The following C1GALT1 variants were observed in gnomAD, a reference collection of about 807,000 sequenced individuals.
C1GALT1 encodes the protein core 1 synthase, glycoprotein-N-acetylgalactosamine 3-beta-galactosyltransferase 1.
A neutral mutation model predicts 31.0 loss-of-function variants in C1GALT1; 11 were observed. That is an observed-to-expected ratio of 0.36 (90% confidence interval 0.22 to 0.59). C1GALT1 has a LOEUF of 0.59. Among genes scored for constraint, C1GALT1 ranks in the 20% least tolerant of loss-of-function variants. The pLI, the probability that C1GALT1 is intolerant of heterozygous loss-of-function variation, is 0.79. For missense variants in C1GALT1, 424 were observed against 425.2 expected (o/e 1.00, Z 0.03); for synonymous variants, 175 against 143.6 (o/e 1.22, Z -1.56).
intron 1 of C1GALT1, among the ~76,000 whole-genome samples, chr7:7,206,569 G>A (rs1015235767): frequency 6.6e-6 from 1 of 151,790 alleles, no homozygotes; most frequent in South Asian, 2.1e-4. Flanking sequence ...CCAGCTACTC[G>A]GGAGGCTGAG....
At chr7:7,242,958 C>A (rs1468525843) in intron 3 of C1GALT1, among the ~76,000 whole-genome samples, 1 of 152,100 alleles carries the variant, frequency 6.6e-6, no homozygotes. Flanking sequence ...ATAACTTACT[C>A]AAGGTCGTAT....
At chr7:7,199,612 G>C (rs1025095278) in intron 1 of C1GALT1, among the ~76,000 whole-genome samples, 2 of 152,178 alleles carry the variant, frequency 1.3e-5, no homozygotes, top group African/African-American at 4.8e-5. Flanking sequence ...TTTCTGTCTC[G>C]TTGATCTGTC....
At chr7:7,190,635 C>T (rs529919078) in intron 1 of C1GALT1, among the ~76,000 whole-genome samples, 33 of 151,974 alleles carry the variant, frequency 2.2e-4, no homozygotes, top group African/African-American at 8.0e-4. Flanking sequence ...TTGTCTCTTC[C>T]CCTTCCCCAG....
At chr7:7,211,073 G>T (rs1412089045) in intron 1 of C1GALT1, among the ~76,000 whole-genome samples, 1 of 152,084 alleles carries the variant, frequency 6.6e-6, no homozygotes, top group Non-Finnish European at 1.5e-5. Flanking sequence ...CAGCAACTAG[G>T]GCTCCTCCTG....
intron 1 of C1GALT1, among the ~76,000 whole-genome samples, chr7:7,185,753 T>A (rs888949817): frequency 1.3e-5 from 2 of 152,236 alleles, no homozygotes; most frequent in African/African-American, 4.8e-5. Context: ...TAAGGTCACG[T>A]GCAGAGGTAC....
chr7:7,204,562 A>T (rs186692805), intron 1 of C1GALT1, among the ~76,000 whole-genome samples: 32 of 151,132 alleles, frequency 2.1e-4, no homozygotes, highest in Admixed American at 2.0e-3. Context: ...CATTTTGTTT[A>T]TCTCTGTTCT....
chr7:7,221,587 A>C (rs779451416), intron 1 of C1GALT1, among the ~76,000 whole-genome samples: 8 of 152,250 alleles, frequency 5.3e-5, no homozygotes, highest in Non-Finnish European at 1.2e-4. Context: ...ATGTCTGTAC[A>C]AGTTGTTGGG....
chr7:7,215,235 C>A (rs10282358), intron 1 of C1GALT1, among the ~76,000 whole-genome samples: 2 of 152,174 alleles, frequency 1.3e-5, no homozygotes, highest in East Asian at 3.9e-4. Context: ...GCATCCTAAC[C>A]TAAGGTACCC....
At chr7:7,182,138 A>G (rs1038731182), upstream of C1GALT1, among the ~76,000 whole-genome samples, 4 of 152,164 alleles carry the variant, frequency 2.6e-5, no homozygotes, top group South Asian at 8.3e-4. Flanking sequence ...TACTGAGTAA[A>G]GAGAGCACGG....
At chr7:7,227,698 C>T (rs1469399016) in intron 1 of C1GALT1, among the ~76,000 whole-genome samples, 8 of 135,692 alleles carry the variant, frequency 5.9e-5, no homozygotes, top group African/African-American at 8.8e-5. Context: ...CCAGCCTGGG[C>T]AACAGAGCGA....
chr7:7,209,988 G>A (rs921658290), intron 1 of C1GALT1, among the ~76,000 whole-genome samples: 1 of 152,136 alleles, frequency 6.6e-6, no homozygotes. Context: ...TTTGAGCCAG[G>A]ATGAGCCAGG....
intron 1 of C1GALT1, among the ~76,000 whole-genome samples, chr7:7,189,898 GATTA>G (rs140502691): frequency 0.033 from 4,997 of 151,968 alleles, 181 homozygotes; most frequent in African/African-American, 0.091. Context: ...TTCCCCAAAA[GATTA>G]ATTAATTCAA....
At position 7,166,487 on chromosome 7, in the gene C1GALT1, G is replaced by A. The variant is rs182487646; in HGVS notation, c.-18+9061G>A. ...ATTGACAGAAAGCAGATCAGTGGTT[G>A]CTTGGAGATGGGGCAGGGTGGGAAG... is the stretch of plus-strand genomic sequence containing the variant. On this transcript the variant is annotated intron_variant, in intron 2 of 3. Coordinates refer to the C1GALT1 transcript ENST00000429911. Among the ~76,000 whole-genome samples the A allele has an allele frequency of 2.6e-5, 4 of 152,246 alleles. No individual in the cohort carries two copies. In the East Asian group the frequency reaches 7.7e-4, roughly 29 times the overall value.
At chr7:7,178,958 T>A (rs1360182014), upstream of C1GALT1, among the ~76,000 whole-genome samples, 2 of 152,224 alleles carry the variant, frequency 1.3e-5, no homozygotes, top group Non-Finnish European at 2.9e-5. Flanking sequence ...AGGGTCTCTT[T>A]CTAGGTTACA....
intron 2 of C1GALT1, among the ~76,000 whole-genome samples, chr7:7,173,297 C>T (rs1340870278): frequency 6.6e-6 from 1 of 151,864 alleles, no homozygotes; most frequent in Non-Finnish European, 1.5e-5. Flanking sequence ...TGTGCTTGCT[C>T]TCCCTTCACC....
intron 2 of C1GALT1, among the ~76,000 whole-genome samples, chr7:7,169,464 A>G (rs556580703): frequency 6.6e-6 from 1 of 152,128 alleles, no homozygotes; most frequent in South Asian, 2.1e-4. Context: ...ACCATTTTAC[A>G]TTCCCACCAG....
In C1GALT1 at chr7:7,237,177, A is replaced by G. The variant is rs183303846; in HGVS notation, c.221-1078A>G. On this transcript the variant is annotated intron_variant, in intron 2 of 3. Transcript: ENST00000436587. ...TTTTCTTATAATTCATTTTTATCCT[A>G]TTTACACAGTGTAGACCTCTTTTAG... Among the ~76,000 whole-genome samples, 370 of 152,316 alleles carry G rather than the reference A, an allele frequency of 2.4e-3. 2 individuals carry two copies. The highest frequency in any genetic ancestry group is 1.9e-3 in the East Asian group (10 of 5,188).
At chr7:7,216,169 GA>G (rs1165781256) in intron 1 of C1GALT1, among the ~76,000 whole-genome samples, 1 of 152,174 alleles carries the variant, frequency 6.6e-6, no homozygotes, top group East Asian at 1.9e-4. Flanking sequence ...GTGCACTCCA[GA>G]GGGGTGCAAG....
At chr7:7,171,163 T>C (rs35560629) in intron 2 of C1GALT1, among the ~76,000 whole-genome samples, 29,848 of 152,100 alleles carry the variant, frequency 0.2, 3,607 homozygotes, top group East Asian at 0.43. Flanking sequence ...TGACTTATCT[T>C]CTGTCTAGAT....
Sources: allele counts gnomAD v4.1 joint callset (sites outside exome capture counted in the v4.1 genomes callset), GRCh38; gene constraint gnomAD v4.1.1; transcripts MANE v1.5; gene names NCBI Gene and HGNC (gene_info 2026-07-23, HGNC 2026-07-21).